The following MCOLN2 variants were observed in gnomAD, a reference collection of about 807,000 sequenced individuals.
MCOLN2 encodes mucolipin TRP cation channel 2.
Under a neutral mutation model 67.5 loss-of-function variants are expected in MCOLN2, and 57 were observed. The observed-to-expected ratio is 0.84, with a 90% CI of 0.68 to 1.05. The LOEUF (loss-of-function observed/expected upper bound fraction) is 1.05. Among genes scored for constraint, MCOLN2 ranks in the 50% least tolerant of loss-of-function variants. The pLI is 0.00. For synonymous variants in MCOLN2, 246 were observed against 233.3 expected, an observed-to-expected ratio of 1.05 and a Z score of -0.50; for missense variants, 620 against 678.8, an observed-to-expected ratio of 0.91 and a Z score of 0.96.
intron 1 of MCOLN2, among the ~76,000 whole-genome samples, chr1:84,971,282 T>C (rs548164496): frequency 8.8e-4 from 134 of 152,186 alleles, no homozygotes; most frequent in African/African-American, 3.1e-3. Flanking sequence ...CATGATGAGA[T>C]AGCTGTTTTT....
chr1:84,939,647 T>C lies in MCOLN2; in HGVS notation c.1016A>G (p.Gln339Arg), dbSNP rs1286407302. Residue 339 changes from glutamine to arginine, a missense_variant, in exon 9 of 14, where the codon CAG becomes CGG. Gln to Arg is a conservative substitution (Grantham distance 43). Transcript: ENST00000370608. ...KYKRPVCDTD[Q>R]WEFINGWYVL... ...ATACCAGCCGTTGATGAACTCCCAC[T>C]GGTCGGTGTCACACACAGGCCGCTT... 1 of 1,613,920 alleles carries C rather than the reference T, an allele frequency of 6.2e-7. No homozygotes were observed. Among genetic ancestry groups the C allele is most frequent in the Non-Finnish European group, 8.5e-7 (1 of 1,179,914 alleles).
At chr1:84,993,183 C>T (rs1650977189) in intron 1 of MCOLN2, among the ~76,000 whole-genome samples, 1 of 152,208 alleles carries the variant, frequency 6.6e-6, no homozygotes, top group Non-Finnish European at 1.5e-5. Flanking sequence ...ACTTTCGTTG[C>T]TCATCCATAA....
At chr1:84,983,228 C>T (rs115515055) in intron 1 of MCOLN2, among the ~76,000 whole-genome samples, 1,662 of 152,000 alleles carry the variant, frequency 0.011, 23 homozygotes, top group African/African-American at 0.038. Flanking sequence ...ACCTTTATTT[C>T]CCCCAAATTT....
At chr1:84,967,215 A>G (rs968642903) in intron 1 of MCOLN2, among the ~76,000 whole-genome samples, 11 of 152,202 alleles carry the variant, frequency 7.2e-5, no homozygotes, top group African/African-American at 2.7e-4. Flanking sequence ...ATGCCTAATG[A>G]CAATATTTGA....
At chr1:84,962,024 G>A (rs1355376118) in intron 2 of MCOLN2, among the ~76,000 whole-genome samples, 2 of 152,068 alleles carry the variant, frequency 1.3e-5, no homozygotes, top group African/African-American at 2.4e-5. Context: ...TAGACTTGAG[G>A]ATGAAACACA....
At chr1:84,984,951 A>G (rs1650434746) in intron 1 of MCOLN2, among the ~76,000 whole-genome samples, 1 of 152,202 alleles carries the variant, frequency 6.6e-6, no homozygotes, top group African/African-American at 2.4e-5. Flanking sequence ...AGCTGTGATC[A>G]CACCAGTGTA....
chr1:84,975,108 G>T (rs1170568316), intron 1 of MCOLN2, among the ~76,000 whole-genome samples: 1 of 152,198 alleles, frequency 6.6e-6, no homozygotes, highest in Non-Finnish European at 1.5e-5. Flanking sequence ...GGTCCTGGGG[G>T]AGCTCAGCAT....
chr1:84,974,395 G>A (rs1027682485), intron 1 of MCOLN2, among the ~76,000 whole-genome samples: 9 of 151,534 alleles, frequency 5.9e-5, no homozygotes, highest in African/African-American at 2.2e-4. Flanking sequence ...CCTTCTGCTT[G>A]AGGAGAGGAG....
Position 84,956,480 on chromosome 1 carries a change from G to A in MCOLN2, c.516C>T (p.Thr172=), listed in dbSNP as rs757016406. ...KVCKQHYKKG[T]MFPSNETLNI... is the part of the protein sequence containing the mutation. The stretch of plus-strand genomic sequence containing the variant: ...TCAGTGTCTCATTAGAAGGAAACAT[G>A]GTCCCTTTCTTGTAATGCTGCTTAC... The change falls in exon 4 of 14, where the codon ACC becomes ACT. Residue 172 remains threonine, a synonymous_variant. Transcript: ENST00000370608. 6 of 1,610,896 alleles carry A rather than the reference G, an allele frequency of 3.7e-6. No individual in the cohort carries two copies. Among genetic ancestry groups the A allele is most frequent in the Non-Finnish European group, 5.1e-6 (6 of 1,178,906 alleles).
At position 84,996,828 on chromosome 1, in the gene MCOLN2, C is replaced by T. The variant is rs138052421; in HGVS notation, c.45G>A (p.Glu15=). The T allele has an allele frequency of 9.8e-4, 1,585 of 1,614,148 alleles. 9 individuals carry two copies. Among genetic ancestry groups the T allele is most frequent in the South Asian group, 3.7e-3 (335 of 91,070 alleles). The change falls in exon 1 of 14, where the codon GAG becomes GAA. Residue 15 remains glutamate, a synonymous_variant. Transcript: ENST00000370608. Reference sequence around the variant, plus strand: ...TTAACCTGAAAACACCTGATCCTCTCTCCGGAATCCTTGCCTGGGGAAAAC... The same window carrying T: ...TTAACCTGAAAACACCTGATCCTCTTTCCGGAATCCTTGCCTGGGGAAAAC... ...PYRFPQARIP[E]RGSGVFRLTV...
At chr1:84,978,556 A>G (rs1205554477) in intron 1 of MCOLN2, among the ~76,000 whole-genome samples, 1 of 152,164 alleles carries the variant, frequency 6.6e-6, no homozygotes, top group Non-Finnish European at 1.5e-5. Context: ...AGAAATTCAC[A>G]TCATTATTGG....
At chr1:84,956,295 G>T in intron 4 of MCOLN2, 136 bp downstream of exon 4, 2 of 762,484 alleles carry the variant, frequency 2.6e-6, no homozygotes, top group Non-Finnish European at 4.3e-6. Context: ...CTGCAGGCCA[G>T]TGTTGGAGTG....
chr1:84,932,626 A>G (rs1392682662), intron 11 of MCOLN2, among the ~76,000 whole-genome samples: 2 of 152,186 alleles, frequency 1.3e-5, no homozygotes, highest in Non-Finnish European at 2.9e-5. Context: ...TCTGTCAGTG[A>G]TTCCAATCTC....
intron 1 of MCOLN2, among the ~76,000 whole-genome samples, chr1:84,992,717 ACCAT>A (rs1306933900): frequency 6.6e-6 from 1 of 151,762 alleles, no homozygotes; most frequent in African/African-American, 2.4e-5. Flanking sequence ...TTTACACTAT[ACCAT>A]AGTCTATTAA....
At chr1:84,952,787 T>G (rs1173335358) in intron 4 of MCOLN2, among the ~76,000 whole-genome samples, 1 of 152,168 alleles carries the variant, frequency 6.6e-6, no homozygotes, top group Non-Finnish European at 1.5e-5. Context: ...CCTGATACAA[T>G]GAACTGAGAA....
At chr1:84,940,202 G>A (rs1647680036) in intron 8 of MCOLN2, among the ~76,000 whole-genome samples, 1 of 152,174 alleles carries the variant, frequency 6.6e-6, no homozygotes, top group African/African-American at 2.4e-5. Flanking sequence ...GAGCATGTAA[G>A]AAAGGTGGAT....
chr1:84,958,540 CA>C lies in MCOLN2; in HGVS notation c.399del (p.Phe133LeufsTer9). 2 of 1,601,088 alleles carry C rather than the reference CA, an allele frequency of 1.2e-6. No homozygotes were observed. Among genetic ancestry groups the C allele is most frequent in the East Asian group, 2.3e-5 (1 of 44,312 alleles). On this transcript the variant is annotated frameshift_variant, in exon 3 of 14. Coordinates refer to ENST00000370608, the MANE Select transcript of MCOLN2 (RefSeq NM_153259.4). LOFTEE classifies it high-confidence loss of function. ...TQEDAYESIF[F>X]AINQYHQLKD... ...AACAAAACACTTGCCTGATTAATAG[CA>C]AAAAAGATGCTCTCATAGGCATCCT...
At chr1:84,969,041 G>A (rs1434975453) in intron 1 of MCOLN2, among the ~76,000 whole-genome samples, 1 of 152,176 alleles carries the variant, frequency 6.6e-6, no homozygotes, top group Admixed American at 6.5e-5. Flanking sequence ...GGACAGGGTT[G>A]GGAGAGCTTC....
At chr1:84,932,029 A>AAC (rs55925234) in intron 11 of MCOLN2, among the ~76,000 whole-genome samples, 10,864 of 148,548 alleles carry the variant, frequency 0.073, 430 homozygotes, top group African/African-American at 0.11. Flanking sequence ...GTCTCTTTAA[A>AAC]ACACACACAC....
Sources: gnomAD v4.1 joint callset for allele counts (sites outside exome capture counted in the v4.1 genomes callset) on GRCh38, gnomAD v4.1.1 for gene constraint, MANE v1.5 for transcripts, NCBI Gene and HGNC (gene_info 2026-07-23, HGNC 2026-07-21) for gene names.